RERE: variants seen among roughly 807,000 people sequenced by gnomAD.
The protein encoded by RERE is arginine-glutamic acid dipeptide repeats.
A neutral mutation model predicts 146.1 loss-of-function variants in RERE; 40 were observed. That is an observed-to-expected ratio of 0.27 (90% confidence interval 0.21 to 0.36). The LOEUF (loss-of-function observed/expected upper bound fraction) is 0.36. RERE is among the 10% of genes least tolerant of loss of function. The probability of loss-of-function intolerance (pLI) is 1.00; values close to 1 mark genes in which losing one functional copy is unlikely to be tolerated. For missense variants in RERE, 1,933 were observed against 2,138.7 expected, an observed-to-expected ratio of 0.90 and a Z score of 1.90; for synonymous variants, 1,003 against 866.0, an observed-to-expected ratio of 1.16 and a Z score of -2.78.
chr1:8,757,266 A>G (rs1480865529), intron 1 of RERE, among the ~76,000 whole-genome samples: 1 of 152,180 alleles, frequency 6.6e-6, no homozygotes, highest in East Asian at 1.9e-4. Flanking sequence ...TTCATTCCTA[A>G]TAATCACTGT....
At chr1:8,616,436 A>G (rs1446633661) in intron 3 of RERE, among the ~76,000 whole-genome samples, 2 of 152,126 alleles carry the variant, frequency 1.3e-5, no homozygotes, top group African/African-American at 4.8e-5. Context: ...GCATCCATAT[A>G]TACATACAAA....
At chr1:8,544,114 T>C (rs571177985) in intron 6 of RERE, among the ~76,000 whole-genome samples, 11 of 152,332 alleles carry the variant, frequency 7.2e-5, no homozygotes, top group East Asian at 3.9e-4. Context: ...TTGGAAATAA[T>C]TGACTGGTTT....
At position 8,680,833 on chromosome 1, in the gene RERE, G is replaced by A. The variant is rs558052316; in HGVS notation, c.-144-24392C>T. ...TCACATTCAGCTCAGACTGGGAGTCGGAAATTGAAAAACACTATAGCCCGG... is the reference window on the plus strand; with the variant it reads ...TCACATTCAGCTCAGACTGGGAGTCAGAAATTGAAAAACACTATAGCCCGG... On this transcript the variant is annotated intron_variant, in intron 1 of 22. Coordinates refer to ENST00000400908, the MANE Select transcript of RERE (RefSeq NM_001042681.2). Among the ~76,000 whole-genome samples the A allele has an allele frequency of 2.6e-5, 4 of 152,162 alleles. No homozygotes were observed. In the East Asian group the frequency reaches 7.7e-4, roughly 29 times the overall value.
rs999853513 is a variant in RERE, at chr1:8,786,774, C to T, written c.-145+30386G>A. The stretch of plus-strand genomic sequence containing the variant: ...TCTGCCTATATTCCTTGTGATAGCA[C>T]TATGCTTTTTCATAAATAAGCTCCC... On this transcript the variant is annotated intron_variant, in intron 1 of 22. Coordinates refer to ENST00000400908, the MANE Select transcript of RERE (RefSeq NM_001042681.2). 2.9e-5 allele frequency: 23 copies of T among 787,628 alleles called. No homozygotes were observed. In the Admixed American group the frequency reaches 3.1e-4, roughly 10 times the overall value. 48.8% of individuals were successfully genotyped at this position (787,628 alleles called of 1,614,324 possible).
intron 7 of RERE, among the ~76,000 whole-genome samples, chr1:8,516,325 T>C (rs1645417981): frequency 6.6e-6 from 1 of 151,704 alleles, no homozygotes; most frequent in Non-Finnish European, 1.5e-5. Flanking sequence ...GTGCTTTCTA[T>C]GCTGGGCACA....
At chr1:8,474,704 T>C (rs1298404686) in intron 10 of RERE, among the ~76,000 whole-genome samples, 1 of 152,262 alleles carries the variant, frequency 6.6e-6, no homozygotes, top group African/African-American at 2.4e-5. Flanking sequence ...TCTTCAATTG[T>C]AATTTATAAC....
rs762793997 is a variant in RERE, at chr1:8,361,282, T to C, written c.2225A>G (p.Gln742Arg). ...AGCTGGGGTGACCCCAGTGGGAGCCTGCAAGGCTGGGGGCTGGGCCTGCAG... is the reference window on the plus strand; with the variant it reads ...AGCTGGGGTGACCCCAGTGGGAGCCCGCAAGGCTGGGGGCTGGGCCTGCAG... ...QMLQAQPPAL[Q>R]APTGVTPAPS... Residue 742 changes from glutamine (Q) to arginine (R), a missense_variant, in exon 18 of 23, where the codon CAG becomes CGG. Gln to Arg is a conservative substitution (Grantham distance 43). Coordinates refer to ENST00000400908, the MANE Select transcript of RERE (RefSeq NM_001042681.2). 5 of 1,599,642 alleles carry C rather than the reference T, an allele frequency of 3.1e-6. No individual in the cohort carries two copies. Among genetic ancestry groups the C allele is most frequent in the Non-Finnish European group, 4.3e-6 (5 of 1,173,352 alleles).
intron 12 of RERE, among the ~76,000 whole-genome samples, chr1:8,410,901 A>G (rs998883123): frequency 4.6e-5 from 7 of 152,256 alleles, no homozygotes; most frequent in African/African-American, 1.4e-4. Context: ...CCCATGCTCA[A>G]TAAGTTCAGT....
At chr1:8,708,138 T>TA (rs1289707429) in intron 1 of RERE, among the ~76,000 whole-genome samples, 3 of 152,110 alleles carry the variant, frequency 2.0e-5, no homozygotes, top group Non-Finnish European at 4.4e-5. Context: ...TACGGAGGGA[T>TA]ATGGTTTGGC....
intron 1 of RERE, among the ~76,000 whole-genome samples, chr1:8,703,431 G>A (rs1639499965): frequency 1.3e-5 from 2 of 151,758 alleles, no homozygotes; most frequent in Non-Finnish European, 2.9e-5. Flanking sequence ...AGAAAGAGCA[G>A]ACTCCCCGCG....
At chr1:8,771,980 G>A (rs1189198284) in intron 1 of RERE, among the ~76,000 whole-genome samples, 4 of 151,242 alleles carry the variant, frequency 2.6e-5, no homozygotes, top group African/African-American at 9.7e-5. Context: ...TGAGAACTCT[G>A]CTGCAAACGC....
chr1:8,530,731 CCGGACTG>C (rs1244571965), intron 7 of RERE, among the ~76,000 whole-genome samples: 8 of 134,408 alleles, frequency 6.0e-5, no homozygotes, highest in African/African-American at 2.3e-4. Context: ...GTCGCCCAGG[CCGGACTG>C]CGGACTGCAG....
chr1:8,403,825 C>CTTTTTTTTTTTTTTTTTTTTTTTTT lies in RERE; in HGVS notation c.1284+18901_1284+18902insAAAAAAAAAAAAAAAAAAAAAAAAA, dbSNP rs869295197. Among the ~76,000 whole-genome samples the CTTTTTTTTTTTTTTTTTTTTTTTTT allele has an allele frequency of 2.7e-4, 19 of 70,860 alleles. 3 individuals are homozygous for CTTTTTTTTTTTTTTTTTTTTTTTTT. Among genetic ancestry groups the CTTTTTTTTTTTTTTTTTTTTTTTTT allele is most frequent in the African/African-American group, 8.8e-4 (15 of 16,998 alleles). The allele number at this position is 70,860 out of a possible 152,430, so 46.5% of individuals were successfully genotyped here. A position where few individuals can be genotyped will look rare whatever the true frequency, so the allele number is the denominator to read the frequency against. On this transcript the variant is annotated intron_variant, in intron 12 of 22. Coordinates refer to ENST00000400908, the MANE Select transcript of RERE (RefSeq NM_001042681.2). The stretch of plus-strand genomic sequence containing the variant: ...TCTATTTTTCTTAATAAAATCTTAG[C>CTTTTTTTTTTTTTTTTTTTTTTTTT]TTTTTTTTTTTTTTTTTTTTTTTGA...
At chr1:8,553,020 GCAC>G (rs1355158360) in intron 6 of RERE, among the ~76,000 whole-genome samples, 5 of 150,006 alleles carry the variant, frequency 3.3e-5, no homozygotes, top group Non-Finnish European at 5.9e-5. Flanking sequence ...GTGCAACACT[GCAC>G]CACTAGGCCA....
At chr1:8,662,205 G>C (rs1638471697) in intron 1 of RERE, among the ~76,000 whole-genome samples, 1 of 152,206 alleles carries the variant, frequency 6.6e-6, no homozygotes, top group Non-Finnish European at 1.5e-5. Flanking sequence ...GCTTTCAGCA[G>C]AGCCAATATA....
intron 1 of RERE, among the ~76,000 whole-genome samples, chr1:8,740,234 T>C (rs1184443040): frequency 6.6e-6 from 1 of 152,174 alleles, no homozygotes; most frequent in African/African-American, 2.4e-5. Context: ...TGATACCCTA[T>C]AGCCTACTGC....
chr1:8,605,625 T>G (rs1029536149), intron 4 of RERE, among the ~76,000 whole-genome samples: 1 of 151,402 alleles, frequency 6.6e-6, no homozygotes, highest in East Asian at 2.0e-4. Context: ...GGCACGTGAC[T>G]GTAATCTCAG....
intron 2 of RERE, among the ~76,000 whole-genome samples, chr1:8,648,237 T>C (rs1046541840): frequency 2.6e-5 from 4 of 152,176 alleles, no homozygotes; most frequent in African/African-American, 9.7e-5. Context: ...GTTGAAATCA[T>C]TTACCTGTTT....
chr1:8,680,990 T>A (rs972819440), intron 1 of RERE, among the ~76,000 whole-genome samples: 14 of 152,132 alleles, frequency 9.2e-5, no homozygotes, highest in Non-Finnish European at 1.9e-4. Context: ...CAGGTCAAAA[T>A]TTCCAATGGC....
Sources: allele counts gnomAD v4.1 joint callset (sites outside exome capture counted in the v4.1 genomes callset), GRCh38; gene constraint gnomAD v4.1.1; transcripts MANE v1.5; gene names NCBI Gene and HGNC (gene_info 2026-07-23, HGNC 2026-07-21).